TMEM52B: variants seen among roughly 807,000 people sequenced by gnomAD.
TMEM52B encodes transmembrane protein 52B.
Under a neutral mutation model 16.1 loss-of-function variants are expected in TMEM52B, and 11 were observed. The ratio of observed to expected loss-of-function variants is 0.68; its 90% CI spans 0.43 to 1.13. The LOEUF is 1.13. TMEM52B is among the 50% of genes most tolerant of loss of function. The pLI is 0.00. For missense variants in TMEM52B, 243 were observed against 230.4 expected (o/e 1.05, Z -0.35); for synonymous variants, 101 against 93.8 (o/e 1.08, Z -0.45).
Position 10,189,836 on chromosome 12 carries a change from G to A in TMEM52B, c.308-60G>A. ...ACAGTTAAGTGTGAAGTAAGTCTCT[G>A]CTGTCTGAGGGTGTCCTGTTTCCCT... On this transcript the variant is annotated intron_variant, in intron 4 of 4. Transcript: ENST00000543484. 3 of 1,585,028 alleles carry A rather than the reference G, an allele frequency of 1.9e-6. 1 individual carries two copies. In the South Asian group the frequency reaches 3.4e-5, roughly 18 times the overall value.
chr12:10,171,982 C>A (rs1335478854), intron 1 of TMEM52B: 6 of 1,586,316 alleles, frequency 3.8e-6, no homozygotes, highest in Non-Finnish European at 5.2e-6. Flanking sequence ...TCCCTGTACA[C>A]ATTTTCCCAT....
chr12:10,180,235 A>G (rs889752024), intron 1 of TMEM52B, among the ~76,000 whole-genome samples: 3 of 150,434 alleles, frequency 2.0e-5, no homozygotes, highest in African/African-American at 7.3e-5. Context: ...ATAGTCTCAG[A>G]TTCCCGTATG....
chr12:10,189,144 A>G (rs1948924437), intron 4 of TMEM52B, among the ~76,000 whole-genome samples: 1 of 148,906 alleles, frequency 6.7e-6, no homozygotes, highest in Non-Finnish European at 1.5e-5. Flanking sequence ...TGGAGGTTGC[A>G]GCGACCCGAG....
chr12:10,187,816 T>C (rs1383400388), intron 4 of TMEM52B, among the ~76,000 whole-genome samples: 2 of 152,112 alleles, frequency 1.3e-5, no homozygotes, highest in African/African-American at 4.8e-5. Flanking sequence ...AAGAGAGTGA[T>C]GGCTGGGCGC....
At chr12:10,177,908 T>C (rs905653737), upstream of TMEM52B, among the ~76,000 whole-genome samples, 1 of 151,720 alleles carries the variant, frequency 6.6e-6, no homozygotes, top group African/African-American at 2.4e-5. Flanking sequence ...AATATTTTGC[T>C]TTTTTGAGGC....
At chr12:10,183,074 C>T (rs1479992774) in intron 2 of TMEM52B, among the ~76,000 whole-genome samples, 2 of 152,156 alleles carry the variant, frequency 1.3e-5, no homozygotes, top group African/African-American at 4.8e-5. Flanking sequence ...CTAATCCAAA[C>T]CTGTCACACT....
upstream of TMEM52B, among the ~76,000 whole-genome samples, chr12:10,177,767 AAATAATAATAATAATAATAAT>A (rs199747831): frequency 6.8e-5 from 8 of 118,496 alleles, no homozygotes; most frequent in East Asian, 4.5e-4. Flanking sequence ...ACTCTGTCTC[AAATAATAATAATAATAATAAT>A]AATAATAATA....
rs1438017363 is a variant in TMEM52B at position 10,189,898 on chromosome 12, C to T, written c.310C>T (p.Leu104=). Residue 104 remains leucine (L), a splice_region_variant and synonymous_variant, in exon 5 of 5, where the codon CTG becomes TTG. Transcript: ENST00000543484. The part of the protein sequence containing the change: ...DSTLQSTITS[L]QSVFGPAARR... Reference sequence around the variant, plus strand: ...CTCTGTTCCTTCTTTCTTCACAGCTCTGCAGTCGGTGTTTGGCCCTGCAGC... The same window carrying T: ...CTCTGTTCCTTCTTTCTTCACAGCTTTGCAGTCGGTGTTTGGCCCTGCAGC... The T allele has an allele frequency of 6.2e-7, 1 of 1,613,680 alleles. No individual in the cohort carries two copies.
chr12:10,187,737 C>T (rs893228423), intron 4 of TMEM52B, among the ~76,000 whole-genome samples: 3 of 152,046 alleles, frequency 2.0e-5, no homozygotes, highest in South Asian at 4.1e-4. Flanking sequence ...GGACTATGCT[C>T]TTTCCTAAAA....
intron 4 of TMEM52B, among the ~76,000 whole-genome samples, chr12:10,189,074 G>T (rs1948923204): frequency 2.2e-5 from 3 of 139,104 alleles, no homozygotes; most frequent in South Asian, 4.6e-4. Context: ...GTTGGCACAT[G>T]CCTGTAATCC....
chr12:10,182,482 G>A lies in TMEM52B; in HGVS notation c.55-68G>A, dbSNP rs1349244461. ...CTAACACAGCACAACCATGAGAGATGATTGGTAAGCAGCTGAACACAGTGG... is the reference window on the plus strand; with the variant it reads ...CTAACACAGCACAACCATGAGAGATAATTGGTAAGCAGCTGAACACAGTGG... On this transcript the variant is annotated intron_variant, in intron 1 of 4. Coordinates refer to ENST00000543484, the MANE Select transcript of TMEM52B (RefSeq NM_001384896.1). 2.6e-6 allele frequency: 4 copies of A among 1,515,714 alleles called. No individual in the cohort carries two copies. The African/African-American group carries it at 4.1e-5, about 16-fold the overall frequency. 93.9% of individuals were successfully genotyped at this position (1,515,714 alleles called of 1,614,324 possible).
chr12:10,184,156 A>C (rs4763454), intron 2 of TMEM52B, among the ~76,000 whole-genome samples: 14,218 of 152,264 alleles, frequency 0.093, 732 homozygotes, highest in Non-Finnish European at 0.12. Context: ...AGTTTCTGTA[A>C]AGCTGAACAG....
Position 10,181,419 on chromosome 12 carries a change from G to A in TMEM52B, c.55-1131G>A, listed in dbSNP as rs149879218. Among the ~76,000 whole-genome samples, 1,421 of 151,594 alleles carry A rather than the reference G, an allele frequency of 9.4e-3. 20 individuals carry two copies. Among genetic ancestry groups the A allele is most frequent in the African/African-American group, 0.032 (1,337 of 41,332 alleles). Reference sequence around the variant, plus strand: ...ATCTCGGCTCACTGCAACCTCCACTGCCCGGGTTTAAGCAATTCTCCTGCC... The same window carrying A: ...ATCTCGGCTCACTGCAACCTCCACTACCCGGGTTTAAGCAATTCTCCTGCC... On this transcript the variant is annotated intron_variant, in intron 1 of 4. Coordinates refer to ENST00000543484, the MANE Select transcript of TMEM52B (RefSeq NM_001384896.1).
intron 1 of TMEM52B, among the ~76,000 whole-genome samples, chr12:10,173,050 A>G (rs1948736787): frequency 6.6e-6 from 1 of 152,228 alleles, no homozygotes; most frequent in Non-Finnish European, 1.5e-5. Context: ...AATTATTAGT[A>G]TAGTACTAAT....
intron 1 of TMEM52B, among the ~76,000 whole-genome samples, chr12:10,173,730 A>G (rs2137532957): frequency 6.7e-6 from 1 of 149,420 alleles, no homozygotes; most frequent in African/African-American, 2.5e-5. Context: ...GTGCCACTGT[A>G]CTCCAGCCTG....
upstream of TMEM52B, among the ~76,000 whole-genome samples, chr12:10,176,169 C>T (rs1303146374): frequency 6.6e-6 from 1 of 152,218 alleles, no homozygotes; most frequent in Non-Finnish European, 1.5e-5. Context: ...GTCTTCTTGT[C>T]TGAATTATCT....
At chr12:10,178,616 T>A (rs994484508), upstream of TMEM52B, among the ~76,000 whole-genome samples, 5 of 150,754 alleles carry the variant, frequency 3.3e-5, no homozygotes, top group African/African-American at 9.8e-5. Context: ...ACAAGACTTA[T>A]TTCTCAATCA....
chr12:10,190,348 G>T lies in TMEM52B; in HGVS notation c.*208G>T, dbSNP rs1034257420. On this transcript the variant is annotated 3_prime_UTR_variant, in exon 5 of 5. Coordinates refer to ENST00000543484, the MANE Select transcript of TMEM52B (RefSeq NM_001384896.1). ...TGGGAACTCTAATTTTGTATCCAAT[G>T]GCCAAAATCTGCAAGTAATCTCTAG... 3 of 605,278 alleles carry T rather than the reference G, an allele frequency of 5.0e-6. No individual in the cohort carries two copies. In the African/African-American group the frequency reaches 5.6e-5, roughly 11 times the overall value. The allele number at this position is 605,278 out of a possible 1,614,324, so 37.5% of individuals were successfully genotyped here.
intron 4 of TMEM52B, 69 bp downstream of exon 4, chr12:10,186,658 G>A (rs1419505848): frequency 7.1e-7 from 1 of 1,398,798 alleles, no homozygotes; most frequent in Middle Eastern, 1.9e-4. Flanking sequence ...GGGTGCAAAG[G>A]TGTAGAACCA....
Sources: allele counts gnomAD v4.1 joint callset (sites outside exome capture counted in the v4.1 genomes callset), GRCh38; gene constraint gnomAD v4.1.1; transcripts MANE v1.5; gene names NCBI Gene and HGNC (gene_info 2026-07-23, HGNC 2026-07-21).